The following GSN variants were observed in gnomAD, a reference collection of about 807,000 sequenced individuals.
The protein encoded by GSN is actin-depolymerizing factor.
Under a neutral mutation model 85.7 loss-of-function variants are expected in GSN, and 56 were observed. That is an observed-to-expected ratio of 0.65 (90% CI 0.53 to 0.82). The LOEUF (loss-of-function observed/expected upper bound fraction) is 0.82, where lower values mean the gene tolerates loss of function less well. Among genes scored for constraint, GSN ranks in the 40% least tolerant of loss-of-function variants. The pLI is 0.00. For synonymous variants in GSN, 373 were observed against 399.1 expected, an observed-to-expected ratio of 0.93 and a Z score of 0.78; for missense variants, 857 against 979.8, an observed-to-expected ratio of 0.87 and a Z score of 1.67.
rs148800857 is a variant in GSN at position 121,314,022 on chromosome 9, A to G, written c.752A>G (p.Lys251Arg). The change falls in exon 7 of 18, where the codon AAG becomes AGG. Residue 251 changes from lysine to arginine, a missense_variant and splice_region_variant. Lys to Arg is a conservative substitution (Grantham distance 26). Coordinates refer to ENST00000432226, the MANE Select transcript of GSN (RefSeq NM_198252.3). ...AACCGCAAGCTGGCCAAGCTCTACA[A>G]GGTGAGCACCAGATGCACTGTCTGC... ...AANRKLAKLYKVSNGAGTMSV... is the reference protein window; with the variant it reads ...AANRKLAKLYRVSNGAGTMSV... 1.2e-6 allele frequency: 2 copies of G among 1,610,386 alleles called. No homozygotes were observed. Among genetic ancestry groups the G allele is most frequent in the Non-Finnish European group, 1.7e-6 (2 of 1,176,658 alleles).
At chr9:121,274,407 T>C (rs1291667060) in intron 1 of GSN, among the ~76,000 whole-genome samples, 1 of 152,238 alleles carries the variant, frequency 6.6e-6, no homozygotes, top group Non-Finnish European at 1.5e-5. Context: ...AACAACCTAG[T>C]GCATACTTTT....
Position 121,332,687 on chromosome 9 carries a change from A to G in GSN, c.*84A>G. On this transcript the variant is annotated 3_prime_UTR_variant, in exon 18 of 18. Transcript: ENST00000432226. The surrounding 1 kb of genome is among the most constrained non-coding windows in gnomAD (Gnocchi z 4.8). ...AAAGAGGCCTTAGAGCGAGCAGAGC[A>G]GCTCTGCTATGAGTGTGTGTGTGTG... 1 of 1,025,334 alleles carries G rather than the reference A, an allele frequency of 9.8e-7. No homozygotes were observed. Among genetic ancestry groups the G allele is most frequent in the Non-Finnish European group, 1.5e-6 (1 of 671,530 alleles). 63.5% of individuals were successfully genotyped at this position (1,025,334 alleles called of 1,614,324 possible).
At chr9:121,287,037 C>G (rs184824352) in intron 2 of GSN, among the ~76,000 whole-genome samples, 1 of 152,250 alleles carries the variant, frequency 6.6e-6, no homozygotes, top group East Asian at 1.9e-4. Context: ...ATCTAGGGCC[C>G]CACACAAGGG....
Position 121,228,424 on chromosome 9 carries a change from A to T in GSN, c.-527-2741A>T, listed in dbSNP as rs10985185. Among the ~76,000 whole-genome samples, 151 of 48,118 alleles carry T rather than the reference A, an allele frequency of 3.1e-3. 2 individuals carry two copies. The highest frequency in any genetic ancestry group is 0.034 in the Middle Eastern group (2 of 58). The allele number at this position is 48,118 out of a possible 152,430, so 31.6% of individuals were successfully genotyped here. On this transcript the variant is annotated intron_variant, in intron 4 of 24. Transcript: ENST00000373823. ...TTAACATATATATATATATATATATATTTTTTTTTTTTTTTTTTTTTTTTT... is the reference window on the plus strand; with the variant it reads ...TTAACATATATATATATATATATATTTTTTTTTTTTTTTTTTTTTTTTTTT...
At chr9:121,315,049 C>T (rs1471662281) in intron 7 of GSN, among the ~76,000 whole-genome samples, 3 of 152,080 alleles carry the variant, frequency 2.0e-5, no homozygotes, top group East Asian at 1.9e-4. Context: ...TTTGTAGAGA[C>T]GAGGTTTTGC....
chr9:121,321,731 G>GTTTA (rs36130872), intron 11 of GSN, among the ~76,000 whole-genome samples: 2,159 of 150,470 alleles, frequency 0.014, 21 homozygotes, highest in Non-Finnish European at 0.02. Context: ...ATTTATATTT[G>GTTTA]TTTATTTATT....
chr9:121,235,964 C>T (rs1360361275), intron 5 of GSN, among the ~76,000 whole-genome samples: 1 of 152,156 alleles, frequency 6.6e-6, no homozygotes, highest in African/African-American at 2.4e-5. Flanking sequence ...CTAGGACTGC[C>T]ATAACAAAGT....
rs886063404 is a variant in GSN at position 121,299,826 on chromosome 9, C to T, written c.-9-2137C>T. On this transcript the variant is annotated intron_variant, in intron 2 of 17. Coordinates refer to ENST00000432226, the MANE Select transcript of GSN (RefSeq NM_198252.3). This position sits in a 1 kb window ranked among gnomAD's most constrained non-coding sequence, Gnocchi z 4.2. ...ACTTAAGGTCGGCGACCCGAGGCCGCGGCTGCCGACTGGGTCCCCTGCCGC... is the reference window on the plus strand; with the variant it reads ...ACTTAAGGTCGGCGACCCGAGGCCGTGGCTGCCGACTGGGTCCCCTGCCGC... 3.8e-6 allele frequency: 5 copies of T among 1,321,842 alleles called. No homozygotes were observed. Among genetic ancestry groups the T allele is most frequent in the East Asian group, 6.8e-5 (2 of 29,508 alleles). The allele number at this position is 1,321,842 out of a possible 1,614,324, so 81.9% of individuals were successfully genotyped here.
chr9:121,304,489 G>A (rs2060204152), intron 4 of GSN, among the ~76,000 whole-genome samples: 1 of 152,258 alleles, frequency 6.6e-6, no homozygotes, highest in African/African-American at 2.4e-5. Flanking sequence ...ACTTGCCCAG[G>A]AATCACAGAG....
chr9:121,226,057 G>T (rs1199591540), intron 4 of GSN, among the ~76,000 whole-genome samples: 1 of 152,174 alleles, frequency 6.6e-6, no homozygotes, highest in Non-Finnish European at 1.5e-5. Flanking sequence ...CCCCACCTCG[G>T]TCTCCCAAAG....
intron 4 of GSN, among the ~76,000 whole-genome samples, chr9:121,224,741 G>GAAAAAAAAAAAA (rs11374663): frequency 8.7e-6 from 1 of 114,370 alleles, no homozygotes; most frequent in Non-Finnish European, 1.8e-5. Context: ...TAGGCTACCT[G>GAAAAAAAAAAAA]AAAAAAAAAA....
chr9:121,219,055 T>G (rs1446246352), intron 4 of GSN, among the ~76,000 whole-genome samples: 1 of 152,222 alleles, frequency 6.6e-6, no homozygotes, highest in Non-Finnish European at 1.5e-5. Flanking sequence ...ATATCTTTAT[T>G]CAGTTTCACT....
At chr9:121,312,844 T>C (rs2061328129) in intron 6 of GSN, 1 of 169,624 alleles carries the variant, frequency 5.9e-6, no homozygotes, top group African/African-American at 2.4e-5. Context: ...CTCAGGCTGG[T>C]CTCCAACTTC....
chr9:121,320,449 AG>A (rs1234536836), intron 10 of GSN, among the ~76,000 whole-genome samples: 1 of 152,220 alleles, frequency 6.6e-6, no homozygotes, highest in Non-Finnish European at 1.5e-5. Flanking sequence ...GTTCGAGACC[AG>A]CCTGGCCAAC....
At chr9:121,266,289 G>A (rs995460268), upstream of GSN, among the ~76,000 whole-genome samples, 1 of 152,242 alleles carries the variant, frequency 6.6e-6, no homozygotes, top group African/African-American at 2.4e-5. Context: ...TGGGGACACA[G>A]ATTCAGAGTT....
At chr9:121,290,805 C>T (rs994404516) in intron 2 of GSN, among the ~76,000 whole-genome samples, 3 of 152,132 alleles carry the variant, frequency 2.0e-5, no homozygotes, top group South Asian at 2.1e-4. Flanking sequence ...TCATGTTGCA[C>T]ATTAGTGCTC....
At chr9:121,319,949 ATAT>A (rs1286308108) in intron 10 of GSN, among the ~76,000 whole-genome samples, 11 of 152,012 alleles carry the variant, frequency 7.2e-5, no homozygotes, top group Admixed American at 7.2e-4. Context: ...TCATTTTTAT[ATAT>A]TATTGTTTTT....
At chr9:121,298,973 A>G (rs2059478805) in intron 2 of GSN, among the ~76,000 whole-genome samples, 1 of 152,190 alleles carries the variant, frequency 6.6e-6, no homozygotes, top group Non-Finnish European at 1.5e-5. Context: ...AATAGTACCT[A>G]AAATGGAAAC....
At chr9:121,254,096 G>C (rs2054896159) in intron 6 of GSN, among the ~76,000 whole-genome samples, 1 of 152,076 alleles carries the variant, frequency 6.6e-6, no homozygotes, top group South Asian at 2.1e-4. Flanking sequence ...TCTAGAGTCT[G>C]GATCATCAGC....
Sources: allele counts gnomAD v4.1 joint callset (sites outside exome capture counted in the v4.1 genomes callset), GRCh38; gene constraint gnomAD v4.1.1; non-coding constraint Gnocchi (gnomAD v3.1); transcripts MANE v1.5; gene names NCBI Gene and HGNC (gene_info 2026-07-23, HGNC 2026-07-21).